Variants in B3GNT7 observed in about 807,000 individuals in gnomAD.
The protein encoded by B3GNT7 is BGnT-7.
In B3GNT7, 9 loss-of-function variants were observed where a neutral mutation model predicts 5.1. That is an observed-to-expected ratio of 1.77 (90% CI 1.07 to 3.09). The LOEUF is 3.09. Among genes scored for constraint, B3GNT7 ranks in the 30% most tolerant of loss-of-function variants. B3GNT7 has a pLI of 0.00. For missense variants in B3GNT7, 468 were observed against 550.8 expected, an observed-to-expected ratio of 0.85 and a Z score of 1.50; for synonymous variants, 253 against 248.6, an observed-to-expected ratio of 1.02 and a Z score of -0.17.
chr2:231,398,192 G>A lies in B3GNT7; in HGVS notation c.473G>A (p.Gly158Asp). ...DRREAIRQTW[G>D]RERQSAGGGR... Reference sequence around the variant, plus strand: ...CGCGAGGCCATCCGCCAGACCTGGGGCCGCGAGCGGCAGTCCGCGGGTGGG... The same window carrying A: ...CGCGAGGCCATCCGCCAGACCTGGGACCGCGAGCGGCAGTCCGCGGGTGGG... Residue 158 changes from glycine to aspartate, a missense_variant, in exon 2 of 2, where the codon GGC becomes GAC. By Grantham distance (94) the Gly-to-Asp change is moderately conservative (BLOSUM62 -1). Transcript: ENST00000287590. 6.3e-7 allele frequency: 1 copy of A among 1,590,640 alleles called. No individual in the cohort carries two copies.
In B3GNT7 at chr2:231,398,437, G is replaced by A. The variant is rs774794596; in HGVS notation, c.718G>A (p.Asp240Asn). ...CCACGTCCCCTTCATTTTCAAAGGC[G>A]ACGATGACGTCTTCGTCAACCCCAC... ...CPHVPFIFKG[D>N]DDVFVNPTNL... Residue 240 changes from aspartate (D) to asparagine (N), a missense_variant, in exon 2 of 2, where the codon GAC becomes AAC. Asp to Asn is a conservative substitution (Grantham distance 23, BLOSUM62 1). Transcript: ENST00000287590. 10 of 1,613,756 alleles carry A rather than the reference G, an allele frequency of 6.2e-6. No homozygotes were observed. Among genetic ancestry groups the A allele is most frequent in the South Asian group, 4.4e-5 (4 of 91,084 alleles).
At position 231,399,426 on chromosome 2, in the gene B3GNT7, C is replaced by T; in HGVS notation, c.*501C>T. 1 of 156,444 alleles carries T rather than the reference C, an allele frequency of 6.4e-6. No individual in the cohort carries two copies. Among genetic ancestry groups the T allele is most frequent in the Non-Finnish European group, 1.4e-5 (1 of 70,772 alleles). The allele number at this position is 156,444 out of a possible 1,614,324, so 9.7% of individuals were successfully genotyped here. On this transcript the variant is annotated 3_prime_UTR_variant, in exon 2 of 2. Coordinates refer to ENST00000287590, the MANE Select transcript of B3GNT7 (RefSeq NM_145236.3). The stretch of plus-strand genomic sequence containing the variant: ...GCGGGCTCACAGGCACCCCCCAGTC[C>T]ACACCCTGGTCTCCTGGGAGAGAGG...
At chr2:231,397,056 C>T in intron 1 of B3GNT7, 1 of 288,218 alleles carries the variant, frequency 3.5e-6, no homozygotes, top group Non-Finnish European at 5.2e-6. Flanking sequence ...GTGCTCACTG[C>T]ATCCTTGGGC....
chr2:231,398,854 C>A lies in B3GNT7; in HGVS notation c.1135C>A (p.Pro379Thr), dbSNP rs757363376. ...AMLVVHKLLP[P>T]ELLAMWGLVH... ...GCTCGTGGTGCACAAGCTGCTGCCCCCTGAGCTGCTCGCCATGTGGGGGCT... is the reference window on the plus strand; with the variant it reads ...GCTCGTGGTGCACAAGCTGCTGCCCACTGAGCTGCTCGCCATGTGGGGGCT... The change falls in exon 2 of 2, where the codon CCT (proline) becomes ACT (threonine). Residue 379 changes from proline (P) to threonine (T), a missense_variant. Physicochemically the swap from Pro to Thr is conservative, Grantham distance 38. Coordinates refer to ENST00000287590, the MANE Select transcript of B3GNT7 (RefSeq NM_145236.3). 6.2e-7 allele frequency: 1 copy of A among 1,600,360 alleles called. No individual in the cohort carries two copies. The highest frequency in any genetic ancestry group is 1.3e-5 in the African/African-American group (1 of 75,048).
Position 231,398,604 on chromosome 2 carries a change from G to A in B3GNT7, c.885G>A (p.Pro295=), listed in dbSNP as rs757001607. 1.5e-5 allele frequency: 24 copies of A among 1,612,528 alleles called. No individual in the cohort carries two copies. Among genetic ancestry groups the A allele is most frequent in the African/African-American group, 8.0e-5 (6 of 74,916 alleles). ...PGALYGKASY[P]PYAGGGGFLM... ...CCCTGTACGGCAAGGCCAGCTATCCGCCGTATGCAGGCGGCGGTGGCTTCC... is the reference window on the plus strand; with the variant it reads ...CCCTGTACGGCAAGGCCAGCTATCCACCGTATGCAGGCGGCGGTGGCTTCC... Residue 295 remains proline, a synonymous_variant, in exon 2 of 2, where the codon CCG becomes CCA. Transcript: ENST00000287590.
rs898857377 is a variant in B3GNT7, at chr2:231,399,027, G to C, written c.*102G>C. ...CCAGGCCTAGCCTTTGGTCCCCAAG[G>C]GGAGGTGGAGGGTTGAGGCCTACGT... On this transcript the variant is annotated 3_prime_UTR_variant, in exon 2 of 2. Coordinates refer to ENST00000287590, the MANE Select transcript of B3GNT7 (RefSeq NM_145236.3). 1.9e-6 allele frequency: 2 copies of C among 1,079,396 alleles called. No homozygotes were observed. The highest frequency in any genetic ancestry group is 2.6e-6 in the Non-Finnish European group (2 of 772,836). 66.9% of individuals were successfully genotyped at this position (1,079,396 alleles called of 1,614,324 possible).
Position 231,395,724 on chromosome 2 carries a change from G to T in B3GNT7, c.-80G>T, listed in dbSNP as rs996562134. ...CGCGGCCCGGTCTCCGTCCCCACCC[G>T]CCCGCCGTCCCGCCGGCCCGAGCCG... On this transcript the variant is annotated 5_prime_UTR_variant, in exon 1 of 2. Coordinates refer to ENST00000287590, the MANE Select transcript of B3GNT7 (RefSeq NM_145236.3). This position sits in a 1 kb window ranked among gnomAD's most constrained non-coding sequence, Gnocchi z 7.3. The T allele has an allele frequency of 1.8e-6, 2 of 1,137,134 alleles. No individual in the cohort carries two copies. The highest frequency in any genetic ancestry group is 4.8e-5 in the Admixed American group (1 of 20,800). The allele number at this position is 1,137,134 out of a possible 1,614,324, so 70.4% of individuals were successfully genotyped here.
Position 231,395,923 on chromosome 2 carries a change from C to A in B3GNT7, c.11+109C>A, listed in dbSNP as rs1425723194. 2 of 737,724 alleles carry A rather than the reference C, an allele frequency of 2.7e-6. No homozygotes were observed. Among genetic ancestry groups the A allele is most frequent in the African/African-American group, 1.9e-5 (1 of 52,258 alleles). The allele number at this position is 737,724 out of a possible 1,614,324, so 45.7% of individuals were successfully genotyped here. On this transcript the variant is annotated intron_variant, in intron 1 of 1. Transcript: ENST00000287590. The surrounding 1 kb of genome is among the most constrained non-coding windows in gnomAD (Gnocchi z 7.3). The stretch of plus-strand genomic sequence containing the variant: ...CGGGACTCCCGGGATAGGAGATGCC[C>A]CCGCGCGCGCCGCGCCGGCCTCAGT...
intron 1 of B3GNT7, chr2:231,397,247 C>A: frequency 1.0e-6 from 1 of 986,688 alleles, no homozygotes; most frequent in Non-Finnish European, 1.2e-6. Flanking sequence ...CTCTGAGTCA[C>A]CTAATGATAC....
At chr2:231,397,370 G>A in intron 1 of B3GNT7, 1 of 522,998 alleles carries the variant, frequency 1.9e-6, no homozygotes, top group Non-Finnish European at 2.5e-6. Flanking sequence ...TAAGGTGACA[G>A]CATTCCCCTA....
chr2:231,398,374 G>A lies in B3GNT7; in HGVS notation c.655G>A (p.Glu219Lys). Residue 219 changes from glutamate to lysine, a missense_variant, in exon 2 of 2, where the codon GAG becomes AAG. Transcript: ENST00000287590. ...CACCTTCTTCAACCTGACCCTCAAG[G>A]AGATCCACTTCCTCAAGTGGCTGGA... ...LDTFFNLTLKEIHFLKWLDIY... is the reference protein window; with the variant it reads ...LDTFFNLTLKKIHFLKWLDIY... 6.2e-7 allele frequency: 1 copy of A among 1,613,718 alleles called. No homozygotes were observed. Among genetic ancestry groups the A allele is most frequent in the Non-Finnish European group, 8.5e-7 (1 of 1,179,896 alleles).
intron 1 of B3GNT7, among the ~76,000 whole-genome samples, chr2:231,396,059 G>C (rs1445163106): frequency 6.6e-6 from 1 of 151,992 alleles, no homozygotes; most frequent in Admixed American, 6.5e-5. Context: ...GCCGCGCTCA[G>C]CTCCCCGGCC....
Position 231,398,941 on chromosome 2 carries a change from T to C in B3GNT7, c.*16T>C, listed in dbSNP as rs2046541489. On this transcript the variant is annotated 3_prime_UTR_variant, in exon 2 of 2. Transcript: ENST00000287590. ...GGTGCTCTGACCCCAGCCGGGCTAC[T>C]AGGACAGGCCAGGGCACTTGCTCCT... is the stretch of plus-strand genomic sequence containing the variant. 7.7e-6 allele frequency: 12 copies of C among 1,548,460 alleles called. No individual in the cohort carries two copies. The highest frequency in any genetic ancestry group is 2.4e-5 in the East Asian group (1 of 42,002).
chr2:231,396,393 G>GCCGGATCCGGAGCCCT (rs2046514594), intron 1 of B3GNT7, among the ~76,000 whole-genome samples: 1 of 152,156 alleles, frequency 6.6e-6, no homozygotes, highest in South Asian at 2.1e-4. Context: ...GGCTGGCAGG[G>GCCGGATCCGGAGCCCT]CCGGATCCGG....
At position 231,398,314 on chromosome 2, in the gene B3GNT7, C is replaced by T; in HGVS notation, c.595C>T (p.Leu199Phe). 1 of 1,613,406 alleles carries T rather than the reference C, an allele frequency of 6.2e-7. No homozygotes were observed. ...GCAGCTGCTGGCCTACGAAGACCGC[C>T]TCTACGGCGACATCCTGCAGTGGGG... ...YQQLLAYEDRLYGDILQWGFL... is the reference protein window; with the variant it reads ...YQQLLAYEDRFYGDILQWGFL... The change falls in exon 2 of 2, where the codon CTC becomes TTC. Residue 199 changes from leucine to phenylalanine, a missense_variant. Coordinates refer to ENST00000287590, the MANE Select transcript of B3GNT7 (RefSeq NM_145236.3).
intron 1 of B3GNT7, chr2:231,397,337 G>T: frequency 1.2e-6 from 1 of 847,094 alleles, no homozygotes. Context: ...CAGGGCAGAG[G>T]TTTCCACCTG....
intron 1 of B3GNT7, 109 bp from the exon 2 acceptor site, chr2:231,397,622 C>T: frequency 9.6e-7 from 1 of 1,038,020 alleles, no homozygotes; most frequent in Non-Finnish European, 1.4e-6. Context: ...TGAGCCTGTG[C>T]CCAGGTCCAC....
In B3GNT7 at chr2:231,395,931, C is replaced by A; in HGVS notation, c.11+117C>A. On this transcript the variant is annotated intron_variant, in intron 1 of 1. Coordinates refer to ENST00000287590, the MANE Select transcript of B3GNT7 (RefSeq NM_145236.3). This position sits in a 1 kb window ranked among gnomAD's most constrained non-coding sequence, Gnocchi z 7.3. ...CCGGGATAGGAGATGCCCCCGCGCG[C>A]GCCGCGCCGGCCTCAGTTTCCCGGG... 1.4e-6 allele frequency: 1 copy of A among 692,032 alleles called. No homozygotes were observed. Among genetic ancestry groups the A allele is most frequent in the Non-Finnish European group, 1.9e-6 (1 of 529,000 alleles). The allele number at this position is 692,032 out of a possible 1,614,324, so 42.9% of individuals were successfully genotyped here. A position where few individuals can be genotyped will look rare whatever the true frequency, so the allele number is the denominator to read the frequency against.
rs1459369205 is a variant in B3GNT7 at position 231,399,158 on chromosome 2, C to T, written c.*233C>T. On this transcript the variant is annotated 3_prime_UTR_variant, in exon 2 of 2. Transcript: ENST00000287590. ...CGGTTGGAGCTGCCCAGTCTGGAGG[C>T]CCTCTCTGAGGAGCGAGGCGCCAGG... 1 of 553,356 alleles carries T rather than the reference C, an allele frequency of 1.8e-6. No homozygotes were observed. Among genetic ancestry groups the T allele is most frequent in the Non-Finnish European group, 3.2e-6 (1 of 311,762 alleles). The allele number at this position is 553,356 out of a possible 1,614,324, so 34.3% of individuals were successfully genotyped here.
Sources: allele counts gnomAD v4.1 joint callset (sites outside exome capture counted in the v4.1 genomes callset), GRCh38; gene constraint gnomAD v4.1.1; non-coding constraint Gnocchi (gnomAD v3.1); transcripts MANE v1.5; gene names NCBI Gene and HGNC (gene_info 2026-07-23, HGNC 2026-07-21).